Variants in CA10 observed in about 807,000 individuals in gnomAD.
CA10 encodes carbonic anhydrase-related protein 10.
Under a neutral mutation model 44.2 loss-of-function variants are expected in CA10, and 14 were observed. The ratio of observed to expected loss-of-function variants is 0.32; its 90% CI spans 0.21 to 0.50. The LOEUF (loss-of-function observed/expected upper bound fraction) is 0.50, where lower values mean the gene tolerates loss of function less well. CA10 is among the 20% of genes least tolerant of loss of function. The probability of loss-of-function intolerance (pLI) is 0.99; values close to 1 mark genes in which losing one functional copy is unlikely to be tolerated. For synonymous variants in CA10, 159 were observed against 141.6 expected, an observed-to-expected ratio of 1.12 and a Z score of -0.87; for missense variants, 350 against 409.7, an observed-to-expected ratio of 0.85 and a Z score of 1.26.
intron 1 of CA10, among the ~76,000 whole-genome samples, chr17:52,102,369 T>TA (rs1429076426): frequency 3.9e-5 from 6 of 152,148 alleles, no homozygotes; most frequent in Non-Finnish European, 5.9e-5. Context: ...GCAATGTTGT[T>TA]AAAATAAACT....
intron 5 of CA10, among the ~76,000 whole-genome samples, chr17:51,649,490 T>G (rs912597905): frequency 8.5e-5 from 13 of 152,058 alleles, no homozygotes; most frequent in African/African-American, 3.1e-4. Context: ...AGTGCTATGA[T>G]TGAGTCATTG....
chr17:51,663,723 A>C (rs1478012133), intron 4 of CA10, among the ~76,000 whole-genome samples: 1 of 152,214 alleles, frequency 6.6e-6, no homozygotes, highest in Non-Finnish European at 1.5e-5. Context: ...GATTATTATT[A>C]GAAATGTCTG....
intron 2 of CA10, among the ~76,000 whole-genome samples, chr17:51,993,627 AG>A (rs1985122486): frequency 6.6e-6 from 1 of 152,122 alleles, no homozygotes; most frequent in Non-Finnish European, 1.5e-5. Flanking sequence ...ATTCTGCTTA[AG>A]GTGATAGGAA....
At chr17:52,083,264 G>A (rs1335434628) in intron 1 of CA10, among the ~76,000 whole-genome samples, 1 of 151,472 alleles carries the variant, frequency 6.6e-6, no homozygotes, top group Non-Finnish European at 1.5e-5. Context: ...AATTCAGCAA[G>A]GCTAAATGCA....
At chr17:52,156,968 C>CT (rs1312287856) in intron 1 of CA10, among the ~76,000 whole-genome samples, 1 of 152,176 alleles carries the variant, frequency 6.6e-6, no homozygotes, top group East Asian at 1.9e-4. Flanking sequence ...TCCTAACACA[C>CT]TCAGGCACAG....
intron 1 of CA10, among the ~76,000 whole-genome samples, chr17:52,142,156 A>G (rs943057255): frequency 6.6e-6 from 1 of 152,222 alleles, no homozygotes; most frequent in African/African-American, 2.4e-5. Flanking sequence ...AGGTGCCTTC[A>G]CAGAATCCTG....
intron 3 of CA10, among the ~76,000 whole-genome samples, chr17:51,757,330 G>A (rs1436834804): frequency 6.6e-6 from 1 of 152,152 alleles, no homozygotes; most frequent in Non-Finnish European, 1.5e-5. Context: ...CTTCAGTGCA[G>A]CATAGCAGAC....
chr17:51,692,433 A>ATCTATCTATCTAT (rs1555585307), intron 4 of CA10, among the ~76,000 whole-genome samples: 1 of 82,234 alleles, frequency 1.2e-5, no homozygotes, highest in Non-Finnish European at 3.3e-5. Context: ...CTATTTTACC[A>ATCTATCTATCTAT]TTTACCATGG....
At chr17:51,949,658 A>G (rs1983411315) in intron 2 of CA10, among the ~76,000 whole-genome samples, 1 of 152,196 alleles carries the variant, frequency 6.6e-6, no homozygotes, top group East Asian at 1.9e-4. Flanking sequence ...TTATTAAGAC[A>G]GTTGGCCCTC....
chr17:51,784,974 T>C (rs1452498659), intron 3 of CA10, among the ~76,000 whole-genome samples: 1 of 152,224 alleles, frequency 6.6e-6, no homozygotes, highest in Non-Finnish European at 1.5e-5. Context: ...TCTATCTCCA[T>C]GAATTCAATT....
At chr17:51,676,688 A>G (rs150807422) in intron 4 of CA10, among the ~76,000 whole-genome samples, 278 of 152,302 alleles carry the variant, frequency 1.8e-3, no homozygotes, top group African/African-American at 6.2e-3. Flanking sequence ...GTCTTCTCTA[A>G]CTTAAATACA....
intron 2 of CA10, among the ~76,000 whole-genome samples, chr17:51,954,362 C>G (rs1260287228): frequency 6.6e-6 from 1 of 152,162 alleles, no homozygotes; most frequent in African/African-American, 2.4e-5. Context: ...CCAACCATCT[C>G]TCTCTAAGCA....
intron 2 of CA10, among the ~76,000 whole-genome samples, chr17:51,954,323 C>T (rs1428644744): frequency 6.6e-6 from 1 of 152,140 alleles, no homozygotes. Context: ...CATTTTTATG[C>T]CTCCCTTGAA....
chr17:52,047,966 G>C (rs1986957086), intron 2 of CA10, among the ~76,000 whole-genome samples: 1 of 149,652 alleles, frequency 6.7e-6, no homozygotes, highest in Non-Finnish European at 1.5e-5. Flanking sequence ...TTATTTAGAT[G>C]AAAACAAATG....
chr17:51,726,387 TAAC>T (rs745317411), intron 4 of CA10, among the ~76,000 whole-genome samples: 3 of 152,204 alleles, frequency 2.0e-5, no homozygotes, highest in Non-Finnish European at 4.4e-5. Context: ...CTGTAGTTAA[TAAC>T]AACATACTGC....
chr17:52,062,135 T>C (rs1393331183), intron 2 of CA10, among the ~76,000 whole-genome samples: 1 of 146,424 alleles, frequency 6.8e-6, no homozygotes, highest in African/African-American at 2.5e-5. Flanking sequence ...TGGCACAATC[T>C]TGGCTCACAG....
intron 3 of CA10, among the ~76,000 whole-genome samples, chr17:51,791,090 C>G (rs924203206): frequency 3.9e-5 from 6 of 152,178 alleles, no homozygotes; most frequent in Non-Finnish European, 5.9e-5. Flanking sequence ...ATACATACCT[C>G]AAAGCACTTT....
chr17:51,690,738 A>G (rs1478966657), intron 4 of CA10, among the ~76,000 whole-genome samples: 1 of 152,190 alleles, frequency 6.6e-6, no homozygotes, highest in East Asian at 1.9e-4. Flanking sequence ...CTGTGAGTCT[A>G]TTAAACCTCT....
chr17:51,886,533 A>G (rs544772000), intron 3 of CA10, among the ~76,000 whole-genome samples: 1 of 152,326 alleles, frequency 6.6e-6, no homozygotes, highest in African/African-American at 2.4e-5. Context: ...AAGGATTCCT[A>G]CATTAAGGAA....
Sources: gnomAD v4.1 joint callset for allele counts (sites outside exome capture counted in the v4.1 genomes callset) on GRCh38, gnomAD v4.1.1 for gene constraint, MANE v1.5 for transcripts, NCBI Gene and HGNC (gene_info 2026-07-23, HGNC 2026-07-21) for gene names.